The following ZNF782 variants were observed in gnomAD, a reference collection of about 807,000 sequenced individuals.
The protein encoded by ZNF782 is zinc finger protein 782.
A neutral mutation model predicts 13.0 loss-of-function variants in ZNF782; 12 were observed. The observed-to-expected ratio is 0.92, with a 90% CI of 0.59 to 1.50. ZNF782 has a LOEUF of 1.50. Ranked by LOEUF, ZNF782 falls within the 40% of genes most tolerant of loss-of-function variation. The pLI is 0.00. For missense variants in ZNF782, 770 were observed against 822.9 expected (o/e 0.94, Z 0.79); for synonymous variants, 284 against 283.0 (o/e 1.00, Z -0.04).
the ZNF782 span, among the ~76,000 whole-genome samples, chr9:96,912,069 C>G: frequency 6.6e-6 from 1 of 150,762 alleles, no homozygotes; most frequent in Non-Finnish European, 1.5e-5. Flanking sequence ...GGCGTGGTGG[C>G]TCATGCCTGT....
At chr9:96,873,304 G>GTAA (rs755583761) in intron 1 of ZNF782, among the ~76,000 whole-genome samples, 11 of 152,190 alleles carry the variant, frequency 7.2e-5, no homozygotes, top group Non-Finnish European at 1.6e-4. Context: ...TTTGCACCAT[G>GTAA]TAATATGCAA....
chr9:96,881,947 A>G, the ZNF782 span, among the ~76,000 whole-genome samples: 34 of 151,868 alleles, frequency 2.2e-4, no homozygotes, highest in African/African-American at 8.0e-4. Context: ...TAATTTACAC[A>G]AGAGCTTGGA....
At chr9:96,931,239 A>C in the ZNF782 span, among the ~76,000 whole-genome samples, 2 of 151,570 alleles carry the variant, frequency 1.3e-5, no homozygotes, top group African/African-American at 2.4e-5. Flanking sequence ...AGGGGTTTAC[A>C]AGAGCTTCAG....
chr9:96,888,078 T>C, the ZNF782 span: 2 of 148,122 alleles, frequency 1.4e-5, no homozygotes, highest in Non-Finnish European at 3.0e-5. Context: ...AAATGACGAG[T>C]TACTGGGTGC....
rs1017739696 is a variant in ZNF782, at chr9:96,852,901, G to A, written c.-93C>T. 2 of 152,566 alleles carry A rather than the reference G, an allele frequency of 1.3e-5. No homozygotes were observed. The highest frequency in any genetic ancestry group is 4.8e-5 in the African/African-American group (2 of 41,396). The allele number at this position is 152,566 out of a possible 1,614,324, so 9.5% of individuals were successfully genotyped here. A position where few individuals can be genotyped will look rare whatever the true frequency, so the allele number is the denominator to read the frequency against. On this transcript the variant is annotated 5_prime_UTR_variant, in exon 2 of 6. Transcript: ENST00000481138. ...TTTTCCTCCTGGCTCTACCACAAACGAGGGATCCCCGGAAACTCACTGAAC... is the reference window on the plus strand; with the variant it reads ...TTTTCCTCCTGGCTCTACCACAAACAAGGGATCCCCGGAAACTCACTGAAC...
the ZNF782 span, chr9:96,893,164 C>T: frequency 6.6e-6 from 1 of 152,158 alleles, no homozygotes; most frequent in Admixed American, 6.5e-5. Context: ...ACTACCTGCC[C>T]CTGACCAAGT....
At chr9:96,872,107 T>C (rs879749193) in intron 1 of ZNF782, among the ~76,000 whole-genome samples, 6 of 152,208 alleles carry the variant, frequency 3.9e-5, no homozygotes, top group Non-Finnish European at 5.9e-5. Flanking sequence ...AAAATTATCA[T>C]TTATGGAGTG....
the ZNF782 span, among the ~76,000 whole-genome samples, chr9:96,907,343 G>A: frequency 1.3e-5 from 2 of 152,098 alleles, no homozygotes; most frequent in African/African-American, 4.8e-5. Flanking sequence ...AGGAGCTGGG[G>A]AAAGGAGAAA....
At chr9:96,880,181 T>G (rs772644563), upstream of ZNF782, among the ~76,000 whole-genome samples, 7 of 152,186 alleles carry the variant, frequency 4.6e-5, no homozygotes, top group Admixed American at 1.3e-4. Context: ...TAAGATTTTT[T>G]TTTTTTAGAT....
the ZNF782 span, among the ~76,000 whole-genome samples, chr9:96,906,612 A>G: frequency 1.3e-5 from 2 of 152,214 alleles, no homozygotes; most frequent in African/African-American, 4.8e-5. Context: ...AAAGATGCCT[A>G]GGGTAAGAGA....
the ZNF782 span, among the ~76,000 whole-genome samples, chr9:96,921,891 A>G: frequency 2.0e-5 from 3 of 150,544 alleles, no homozygotes; most frequent in Admixed American, 2.0e-4. Context: ...ACGGGGTTTC[A>G]CCATGTTGGC....
chr9:96,917,792 T>C, the ZNF782 span, among the ~76,000 whole-genome samples: 2 of 151,590 alleles, frequency 1.3e-5, no homozygotes, highest in African/African-American at 4.8e-5. Flanking sequence ...GGCATGATCA[T>C]GACTCACTAC....
intron 5 of ZNF782, among the ~76,000 whole-genome samples, chr9:96,826,355 C>G (rs1307677036): frequency 1.3e-5 from 2 of 150,270 alleles, no homozygotes; most frequent in African/African-American, 2.5e-5. Flanking sequence ...ACAATGAGAA[C>G]ACATGGACAC....
the ZNF782 span, among the ~76,000 whole-genome samples, chr9:96,903,312 C>T: frequency 6.6e-6 from 1 of 151,850 alleles, no homozygotes; most frequent in Non-Finnish European, 1.5e-5. Context: ...AATATGTAAA[C>T]CTTTGAGACG....
chr9:96,839,309 A>G (rs1851114969), intron 4 of ZNF782, among the ~76,000 whole-genome samples: 1 of 141,902 alleles, frequency 7.0e-6, no homozygotes, highest in Admixed American at 7.1e-5. Flanking sequence ...GTCTGTACCA[A>G]TTGGTGTTTC....
the ZNF782 span, chr9:96,887,511 C>T: frequency 1.3e-5 from 2 of 152,294 alleles, 1 homozygote; most frequent in Middle Eastern, 6.8e-3. Context: ...CATGATACAA[C>T]ATTATGCTGG....
intron 5 of ZNF782, among the ~76,000 whole-genome samples, chr9:96,825,669 C>T (rs1396008589): frequency 1.3e-5 from 2 of 152,006 alleles, no homozygotes; most frequent in African/African-American, 4.8e-5. Context: ...TGACAAAGGG[C>T]TAATATCCAG....
At chr9:96,885,709 C>CA in the ZNF782 span, among the ~76,000 whole-genome samples, 10,155 of 149,528 alleles carry the variant, frequency 0.068, 1,019 homozygotes, top group African/African-American at 0.22. Context: ...TTTCTGGAAA[C>CA]AAAAAAAAAC....
intron 1 of ZNF782, among the ~76,000 whole-genome samples, chr9:96,853,860 T>C (rs143542601): frequency 7.2e-5 from 11 of 152,332 alleles, no homozygotes; most frequent in African/African-American, 2.6e-4. Context: ...GAGGTATACA[T>C]AGGCACCCAA....
Sources: gnomAD v4.1 joint callset for allele counts (sites outside exome capture counted in the v4.1 genomes callset) on GRCh38, gnomAD v4.1.1 for gene constraint, MANE v1.5 for transcripts, NCBI Gene and HGNC (gene_info 2026-07-23, HGNC 2026-07-21) for gene names.